RDX: variants seen among roughly 807,000 people sequenced by gnomAD.
RDX encodes radixin, also known as deafness, autosomal recessive 24.
Under a neutral mutation model 83.7 loss-of-function variants are expected in RDX, and 32 were observed. The ratio of observed to expected loss-of-function variants is 0.38; its 90% CI spans 0.29 to 0.51. The LOEUF (loss-of-function observed/expected upper bound fraction) is 0.51, where lower values mean the gene tolerates loss of function less well. RDX is among the 20% of genes least tolerant of loss of function. RDX has a pLI of 0.87. For synonymous variants in RDX, 229 were observed against 222.7 expected, an observed-to-expected ratio of 1.03 and a Z score of -0.25; for missense variants, 600 against 689.9, an observed-to-expected ratio of 0.87 and a Z score of 1.46.
chr11:110,230,579 TACAC>T lies in RDX; in HGVS notation c.*1286_*1289del, dbSNP rs61030269. ...TTCTCTCTCTCATACACACACAGAG[TACAC>T]ACACACACACACACACACACACACA... On this transcript the variant is annotated 3_prime_UTR_variant, in exon 14 of 14. Coordinates refer to ENST00000645495, the MANE Select transcript of RDX (RefSeq NM_002906.4). 3,175 of 147,172 alleles carry T rather than the reference TACAC, an allele frequency of 0.022. 70 individuals are homozygous for T. Among genetic ancestry groups the T allele is most frequent in the Middle Eastern group, 0.046 (13 of 284 alleles). The allele number at this position is 147,172 out of a possible 1,614,324, so 9.1% of individuals were successfully genotyped here. A position where few individuals can be genotyped will look rare whatever the true frequency, so the allele number is the denominator to read the frequency against.
At chr11:110,246,189 C>A (rs1286307900) in intron 10 of RDX, among the ~76,000 whole-genome samples, 1 of 152,162 alleles carries the variant, frequency 6.6e-6, no homozygotes, top group Admixed American at 6.5e-5. Context: ...AGCCACCGCA[C>A]CCAGCCTAGG....
chr11:110,286,155 G>C (rs1860971326), intron 1 of RDX, among the ~76,000 whole-genome samples: 1 of 151,910 alleles, frequency 6.6e-6, no homozygotes, highest in African/African-American at 2.4e-5. Flanking sequence ...AAGTGGTCTT[G>C]CCCTGCCTCT....
Position 110,197,182 on chromosome 11 carries a change from G to A in RDX, c.*31+2399C>T, listed in dbSNP as rs149384498. 1.1e-3 allele frequency among the ~76,000 whole-genome samples: 174 copies of A among 152,276 alleles called. 1 individual carries two copies. Among genetic ancestry groups the A allele is most frequent in the South Asian group, 5.4e-3 (26 of 4,818 alleles). On this transcript the variant is annotated intron_variant, in intron 15 of 15. Transcript: ENST00000528498. ...CCAAATGTGCTGGGATTACAGGCAC[G>A]AGCCATAGCGCCTGGCCTGTGCATG... is the stretch of plus-strand genomic sequence containing the variant.
Position 110,296,556 on chromosome 11 carries a change from G to T in RDX, c.-154C>A, listed in dbSNP as rs951521544. The T allele has an allele frequency of 1.3e-5, 2 of 151,364 alleles. No homozygotes were observed. Among genetic ancestry groups the T allele is most frequent in the African/African-American group, 4.8e-5 (2 of 41,358 alleles). 9.4% of individuals were successfully genotyped at this position (151,364 alleles called of 1,614,324 possible). ...GACAGGGAGGGAGAAGCGGTGGTGC[G>T]AGCGCTGGCCCGCGGGAGACGAGAG... On this transcript the variant is annotated 5_prime_UTR_variant, in exon 1 of 14. Coordinates refer to ENST00000645495, the MANE Select transcript of RDX (RefSeq NM_002906.4).
intron 15 of RDX, among the ~76,000 whole-genome samples, chr11:110,183,161 T>C (rs1862920901): frequency 6.6e-6 from 1 of 152,136 alleles, no homozygotes; most frequent in South Asian, 2.1e-4. Flanking sequence ...TGAAGAAATA[T>C]GGTGGGTACA....
intron 10 of RDX, among the ~76,000 whole-genome samples, chr11:110,239,040 A>G (rs1220071178): frequency 6.6e-6 from 1 of 151,898 alleles, no homozygotes. Flanking sequence ...GCACTTTCGA[A>G]GGGAAAGGTG....
At chr11:110,237,159 A>C (rs1374163666) in intron 11 of RDX, among the ~76,000 whole-genome samples, 1 of 149,772 alleles carries the variant, frequency 6.7e-6, no homozygotes, top group Non-Finnish European at 1.5e-5. Flanking sequence ...ATATTATATA[A>C]CTATAACATA....
chr11:110,283,177 G>T (rs1160978449), intron 1 of RDX, among the ~76,000 whole-genome samples: 1 of 151,402 alleles, frequency 6.6e-6, no homozygotes, highest in African/African-American at 2.4e-5. Context: ...TTTTGGAGAT[G>T]GAGTCTCGCT....
At position 110,278,060 on chromosome 11, in the gene RDX, C is replaced by T. The variant is rs555792507; in HGVS notation, c.12+1621G>A. Among the ~76,000 whole-genome samples, 4 of 152,230 alleles carry T rather than the reference C, an allele frequency of 2.6e-5. No individual in the cohort carries two copies. In the South Asian group the frequency reaches 6.2e-4, roughly 24 times the overall value. ...TTTGTTGAAAATAATTATAGTTCTCCAGTAAATTGTGTGACACCCTTGTCA... is the reference window on the plus strand; with the variant it reads ...TTTGTTGAAAATAATTATAGTTCTCTAGTAAATTGTGTGACACCCTTGTCA... On this transcript the variant is annotated intron_variant, in intron 2 of 13. Transcript: ENST00000645495.
At chr11:110,197,600 TA>T (rs1281813078) in intron 15 of RDX, among the ~76,000 whole-genome samples, 1 of 152,162 alleles carries the variant, frequency 6.6e-6, no homozygotes, top group Non-Finnish European at 1.5e-5. Context: ...GGATTTGCTC[TA>T]AAAAGAACAT....
At chr11:110,194,602 G>C (rs1863164990) in intron 15 of RDX, among the ~76,000 whole-genome samples, 1 of 152,168 alleles carries the variant, frequency 6.6e-6, no homozygotes, top group African/African-American at 2.4e-5. Context: ...TAATCAAGGA[G>C]AGGACTGAGA....
At chr11:110,290,055 A>AT (rs1861171776) in intron 1 of RDX, among the ~76,000 whole-genome samples, 1 of 151,586 alleles carries the variant, frequency 6.6e-6, no homozygotes, top group Admixed American at 6.6e-5. Context: ...TTATAAACAA[A>AT]AATACCCACT....
chr11:110,221,423 C>A (rs1028512182), intron 14 of RDX, among the ~76,000 whole-genome samples: 7 of 151,972 alleles, frequency 4.6e-5, no homozygotes, highest in Non-Finnish European at 7.4e-5. Context: ...CATGGTGAAA[C>A]CCCATCTCTA....
At chr11:110,268,349 A>G (rs1860145421) in intron 3 of RDX, among the ~76,000 whole-genome samples, 1 of 152,104 alleles carries the variant, frequency 6.6e-6, no homozygotes, top group African/African-American at 2.4e-5. Context: ...AGAAATTTCT[A>G]GAAGATGTGG....
intron 15 of RDX, among the ~76,000 whole-genome samples, chr11:110,178,278 C>G (rs941966730): frequency 6.6e-6 from 1 of 152,208 alleles, no homozygotes; most frequent in Admixed American, 6.5e-5. Context: ...TCAACTGCAT[C>G]CTGATTCTGA....
intron 14 of RDX, among the ~76,000 whole-genome samples, chr11:110,211,614 C>A (rs1344959431): frequency 6.7e-6 from 1 of 149,294 alleles, no homozygotes; most frequent in South Asian, 2.1e-4. Flanking sequence ...TGTAAAAGAA[C>A]AGAAATTATA....
intron 14 of RDX, among the ~76,000 whole-genome samples, chr11:110,209,627 G>T (rs986160564): frequency 6.7e-6 from 1 of 148,346 alleles, no homozygotes; most frequent in African/African-American, 2.5e-5. Context: ...CTCCCAGCAC[G>T]CAGCTGGAGA....
intron 10 of RDX, 174 bp from the exon 11 acceptor site, chr11:110,237,826 A>G: frequency 1.3e-6 from 1 of 757,272 alleles, no homozygotes; most frequent in Non-Finnish European, 2.3e-6. Context: ...TCTGTTGCCC[A>G]GGCTGAAGTG....
At chr11:110,217,051 G>A (rs184214315) in intron 14 of RDX, among the ~76,000 whole-genome samples, 2 of 152,302 alleles carry the variant, frequency 1.3e-5, no homozygotes, top group Admixed American at 1.3e-4. Flanking sequence ...ATCAGGCCCA[G>A]TGCACTCTTT....
Sources: gnomAD v4.1 joint callset for allele counts (sites outside exome capture counted in the v4.1 genomes callset) on GRCh38, gnomAD v4.1.1 for gene constraint, MANE v1.5 for transcripts, NCBI Gene and HGNC (gene_info 2026-07-23, HGNC 2026-07-21) for gene names.